The following BORCS5 variants were observed in gnomAD, a reference collection of about 807,000 sequenced individuals.
The protein encoded by BORCS5 is BLOC-1 related complex subunit 5, also known as BLOC-1-related complex subunit 5.
BORCS5 carries 17 observed loss-of-function variants against 22.1 expected under a neutral mutation model. That is an observed-to-expected ratio of 0.77 (90% CI 0.53 to 1.15). The LOEUF (loss-of-function observed/expected upper bound fraction) is 1.15. Ranked by LOEUF, BORCS5 falls within the 50% of genes most tolerant of loss-of-function variation. The probability of loss-of-function intolerance (pLI) is 0.00; values close to 1 mark genes in which losing one functional copy is unlikely to be tolerated. For missense variants in BORCS5, 247 were observed against 253.2 expected, an observed-to-expected ratio of 0.98 and a Z score of 0.17; for synonymous variants, 117 against 99.8, an observed-to-expected ratio of 1.17 and a Z score of -1.03.
At chr12:12,465,400 G>A (rs1943181879) in intron 3 of BORCS5, 146 bp from the exon 4 acceptor site, 1 of 667,476 alleles carries the variant, frequency 1.5e-6, no homozygotes, top group Non-Finnish European at 2.6e-6. Flanking sequence ...TGTCCCTGAA[G>A]GGCTTTTTAG....
rs543150697 is a variant in BORCS5, at chr12:12,469,758, A to T, written c.*3982A>T. 3.3e-5 allele frequency: 5 copies of T among 152,354 alleles called. No individual in the cohort carries two copies. In the South Asian group the frequency reaches 1.0e-3, roughly 32 times the overall value. 9.4% of individuals were successfully genotyped at this position (152,354 alleles called of 1,614,324 possible). The stretch of plus-strand genomic sequence containing the variant: ...CCCAGATATATAGTGCTCAGCAGAA[A>T]TTATTCAAAATGTTGATACTCAAGA... On this transcript the variant is annotated 3_prime_UTR_variant, in exon 4 of 4. Coordinates refer to ENST00000314565, the MANE Select transcript of BORCS5 (RefSeq NM_058169.6).
intron 2 of BORCS5, among the ~76,000 whole-genome samples, chr12:12,395,518 C>T (rs1941316771): frequency 6.7e-6 from 1 of 149,926 alleles, no homozygotes; most frequent in African/African-American, 2.5e-5. Flanking sequence ...AACTCCCGAC[C>T]TCAAGTGATC....
intron 2 of BORCS5, among the ~76,000 whole-genome samples, chr12:12,413,802 A>T (rs1941816130): frequency 2.9e-5 from 2 of 68,688 alleles, no homozygotes; most frequent in East Asian, 2.8e-4. Flanking sequence ...GGCGCCCCTC[A>T]CCTCCCGGAC....
intron 2 of BORCS5, among the ~76,000 whole-genome samples, chr12:12,415,124 G>A (rs1435988618): frequency 5.5e-4 from 84 of 151,586 alleles, no homozygotes; most frequent in African/African-American, 1.8e-3. Context: ...AGGCAGAGAC[G>A]CTCCTCACTT....
In BORCS5 at chr12:12,435,744, G is replaced by A. The variant is rs138526597; in HGVS notation, c.319G>A (p.Val107Ile). The change falls in exon 3 of 4, where the codon GTT becomes ATT. Residue 107 changes from valine (V) to isoleucine (I), a missense_variant. Physicochemically the swap from Val to Ile is conservative, Grantham distance 29 (BLOSUM62 3). Transcript: ENST00000314565. Reference sequence around the variant, plus strand: ...TCACCTGCATCAGTGTGCAGAGGCCGTTGCTTTTGACCAGAATGCTTTGGT... The same window carrying A: ...TCACCTGCATCAGTGTGCAGAGGCCATTGCTTTTGACCAGAATGCTTTGGT... Reference protein sequence around the residue: ...QDHLHQCAEAVAFDQNALVKR... With the variant: ...QDHLHQCAEAIAFDQNALVKR... 23 of 1,613,844 alleles carry A rather than the reference G, an allele frequency of 1.4e-5. No individual in the cohort carries two copies. The highest frequency in any genetic ancestry group is 8.9e-5 in the East Asian group (4 of 44,858).
At position 12,361,298 on chromosome 12, in the gene BORCS5, C is replaced by T. The variant is rs1863280155; in HGVS notation, c.151C>T (p.Pro51Ser). The change falls in exon 2 of 4, where the codon CCC becomes TCC. Residue 51 changes from proline (P) to serine (S), a missense_variant. By Grantham distance (74) the Pro-to-Ser change is moderately conservative. Transcript: ENST00000314565. ...SQASRNVSND[P>S]DVIKLQEIPT... ...GGCCTCACGGAACGTCAGCAACGAT[C>T]CCGATGTCATCAAGTTGCAAGAGAT... 1 of 1,614,178 alleles carries T rather than the reference C, an allele frequency of 6.2e-7. No homozygotes were observed. Among genetic ancestry groups the T allele is most frequent in the Non-Finnish European group, 8.5e-7 (1 of 1,180,030 alleles).
Position 12,357,415 on chromosome 12 carries a change from G to A in BORCS5, c.-37G>A. ...CCCGCCGCCGGAGCGGTGACCGCCCGGCCCGCCGTTCTTCTGCTGCCACCG... is the reference window on the plus strand; with the variant it reads ...CCCGCCGCCGGAGCGGTGACCGCCCAGCCCGCCGTTCTTCTGCTGCCACCG... On this transcript the variant is annotated 5_prime_UTR_variant, in exon 1 of 4. Transcript: ENST00000314565. 1.3e-6 allele frequency: 2 copies of A among 1,597,300 alleles called. No individual in the cohort carries two copies. The highest frequency in any genetic ancestry group is 1.3e-5 in the African/African-American group (1 of 74,604).
chr12:12,453,174 C>G (rs900678604), intron 3 of BORCS5, among the ~76,000 whole-genome samples: 1 of 152,154 alleles, frequency 6.6e-6, no homozygotes, highest in Non-Finnish European at 1.5e-5. Context: ...AATCATTTCA[C>G]TATGTATATG....
At chr12:12,374,036 T>G (rs1054493413) in intron 2 of BORCS5, among the ~76,000 whole-genome samples, 4 of 144,952 alleles carry the variant, frequency 2.8e-5, no homozygotes, top group East Asian at 4.0e-4. Flanking sequence ...CGCCCAGGCT[T>G]GAGTGCAGTG....
intron 1 of BORCS5, among the ~76,000 whole-genome samples, chr12:12,360,761 C>T (rs562251390): frequency 6.6e-6 from 1 of 151,908 alleles, no homozygotes; most frequent in South Asian, 2.1e-4. Context: ...CACTCTGTTG[C>T]CCAGGCTCAA....
intron 2 of BORCS5, among the ~76,000 whole-genome samples, chr12:12,397,301 C>T (rs1565866665): frequency 6.6e-6 from 1 of 152,090 alleles, no homozygotes; most frequent in South Asian, 2.1e-4. Context: ...CCCAAAATGC[C>T]GACATCCTAG....
chr12:12,361,664 G>A (rs963302991), intron 2 of BORCS5, among the ~76,000 whole-genome samples: 9 of 152,116 alleles, frequency 5.9e-5, no homozygotes, highest in South Asian at 4.1e-4. Context: ...TTCCCAGCAC[G>A]TGAAATATAA....
chr12:12,464,625 TG>T (rs1336536291), intron 3 of BORCS5, among the ~76,000 whole-genome samples: 1 of 151,970 alleles, frequency 6.6e-6, no homozygotes. Flanking sequence ...GGGGTGGAAG[TG>T]GGGTCCATGC....
intron 2 of BORCS5, among the ~76,000 whole-genome samples, chr12:12,426,675 A>G (rs990275007): frequency 6.6e-6 from 1 of 152,260 alleles, no homozygotes; most frequent in Admixed American, 6.5e-5. Context: ...GAGTTTTATC[A>G]AAATCCTATT....
chr12:12,424,248 GTTCCTCAGACTAGATAGTATTCATTGTAC>G lies in BORCS5; in HGVS notation c.203-11378_203-11350del, dbSNP rs144209442. Among the ~76,000 whole-genome samples, 571 of 151,436 alleles carry G rather than the reference GTTCCTCAGACTAGATAGTATTCATTGTAC, an allele frequency of 3.8e-3. 6 individuals carry two copies. The highest frequency in any genetic ancestry group is 0.013 in the African/African-American group (532 of 41,262). On this transcript the variant is annotated intron_variant, in intron 2 of 3. Transcript: ENST00000314565. Reference sequence around the variant, plus strand: ...CTTTTCCTTAATCTTTTTTCTTTCTGTTCCTCAGACTAGATAGTATTCATTGTACTCATTATTCACTCATTCTTTCTTCT... The same window carrying G: ...CTTTTCCTTAATCTTTTTTCTTTCTGTCATTATTCACTCATTCTTTCTTCT...
intron 2 of BORCS5, among the ~76,000 whole-genome samples, chr12:12,412,900 C>CTTTTTTTTTTTTTTT (rs869045354): frequency 5.4e-5 from 4 of 74,172 alleles, no homozygotes; most frequent in Admixed American, 1.9e-4. Flanking sequence ...TTGTGGTTTT[C>CTTTTTTTTTTTTTTT]TTTTTTTTTT....
At position 12,388,037 on chromosome 12, in the gene BORCS5, A is replaced by T. The variant is rs559480307; in HGVS notation, c.202+26688A>T. 1.1e-4 allele frequency among the ~76,000 whole-genome samples: 16 copies of T among 151,538 alleles called. 2 individuals are homozygous for T. The South Asian group carries it at 3.3e-3, about 32-fold the overall frequency. ...TTTTATTTTCCAGTTTCTAGTTGGT[A>T]TTTTTGTGGGAAGTAAATTGCTATC... On this transcript the variant is annotated intron_variant, in intron 2 of 3. Transcript: ENST00000314565.
chr12:12,441,377 G>T (rs76780639), intron 3 of BORCS5, among the ~76,000 whole-genome samples: 3 of 152,140 alleles, frequency 2.0e-5, no homozygotes, highest in Non-Finnish European at 2.9e-5. Flanking sequence ...CTGACTACCT[G>T]TGTGACCTCA....
At chr12:12,441,639 C>T (rs936030094) in intron 3 of BORCS5, among the ~76,000 whole-genome samples, 60 of 152,042 alleles carry the variant, frequency 3.9e-4, no homozygotes, top group African/African-American at 1.4e-3. Flanking sequence ...ATACCAGCAG[C>T]TGTCTAAATA....
Sources: allele counts gnomAD v4.1 joint callset (sites outside exome capture counted in the v4.1 genomes callset), GRCh38; gene constraint gnomAD v4.1.1; transcripts MANE v1.5; gene names NCBI Gene and HGNC (gene_info 2026-07-23, HGNC 2026-07-21).